ACOT1: variants seen among roughly 807,000 people sequenced by gnomAD.
ACOT1 encodes the protein acyl-CoA thioesterase 1, also known as acyl-coenzyme A thioesterase 1.
In ACOT1, 8 loss-of-function variants were observed where a neutral mutation model predicts 15.7. The ratio of observed to expected loss-of-function variants is 0.51; its 90% CI spans 0.30 to 0.92. The LOEUF (loss-of-function observed/expected upper bound fraction) is 0.92. ACOT1 is among the 40% of genes least tolerant of loss of function. ACOT1 has a pLI of 0.06. For synonymous variants in ACOT1, 67 were observed against 241.2 expected, an observed-to-expected ratio of 0.28 and a Z score of 6.69; for missense variants, 151 against 539.4, an observed-to-expected ratio of 0.28 and a Z score of 7.13.
the ACOT1 span, among the ~76,000 whole-genome samples, chr14:73,508,567 G>A: frequency 6.6e-6 from 1 of 151,918 alleles, no homozygotes; most frequent in Non-Finnish European, 1.5e-5. Context: ...TGGCCAACAT[G>A]GTAAAACCCC....
the ACOT1 span, chr14:73,522,208 C>T: frequency 6.6e-7 from 1 of 1,520,918 alleles, no homozygotes; most frequent in Non-Finnish European, 8.9e-7. Flanking sequence ...GTGAGTCCAC[C>T]TGGGAGTCCC....
chr14:73,518,762 A>T, the ACOT1 span, among the ~76,000 whole-genome samples: 1 of 152,194 alleles, frequency 6.6e-6, no homozygotes, highest in Non-Finnish European at 1.5e-5. Context: ...ATTGGTAACT[A>T]GTGGCCCTAA....
upstream of ACOT1, among the ~76,000 whole-genome samples, chr14:73,536,327 TG>T (rs534670208): frequency 1.8e-3 from 195 of 109,940 alleles, 46 homozygotes; most frequent in African/African-American, 5.5e-3. Flanking sequence ...CACCTCTGGT[TG>T]GAACCAATAG....
chr14:73,518,585 G>A, the ACOT1 span, among the ~76,000 whole-genome samples: 1 of 152,136 alleles, frequency 6.6e-6, no homozygotes, highest in East Asian at 1.9e-4. Context: ...TTGTCTTACA[G>A]AGTGAAGAAT....
the ACOT1 span, chr14:73,496,598 T>C: frequency 1.3e-6 from 2 of 1,582,672 alleles, no homozygotes; most frequent in Non-Finnish European, 1.7e-6. Flanking sequence ...TGCACTTATT[T>C]ACCCTGTTCT....
Position 73,537,776 on chromosome 14 carries a change from C to G in ACOT1, c.355C>G (p.Leu119Val). The change falls in exon 1 of 3, where the codon CTG becomes GTG. Residue 119 changes from leucine (L) to valine (V), a missense_variant. Transcript: ENST00000311148. ...TGGCCACGACCCCGACCCCGGGCGG[C>G]TGCTGTGCCGGGTGCGGCACGAGCG... ...LDGHDPDPGR[L>V]LCRVRHERYF... The G allele has an allele frequency of 8.1e-7, 1 of 1,233,562 alleles. No individual in the cohort carries two copies. The highest frequency in any genetic ancestry group is 1.1e-6 in the Non-Finnish European group (1 of 933,880). The allele number at this position is 1,233,562 out of a possible 1,614,324, so 76.4% of individuals were successfully genotyped here. A position where few individuals can be genotyped will look rare whatever the true frequency, so the allele number is the denominator to read the frequency against.
the ACOT1 span, among the ~76,000 whole-genome samples, chr14:73,509,874 TTA>T: frequency 1.2e-5 from 1 of 83,072 alleles, no homozygotes; most frequent in African/African-American, 3.8e-5. Flanking sequence ...ATATATTTAT[TTA>T]TTTTATATAT....
the ACOT1 span, among the ~76,000 whole-genome samples, chr14:73,519,659 G>A: frequency 6.6e-6 from 1 of 152,152 alleles, no homozygotes; most frequent in Non-Finnish European, 1.5e-5. Flanking sequence ...GGAGGTGGAG[G>A]TTGCAGTGAA....
chr14:73,506,555 A>G, the ACOT1 span: 1 of 1,613,094 alleles, frequency 6.2e-7, no homozygotes, highest in Non-Finnish European at 8.5e-7. Flanking sequence ...CACAGCAAGC[A>G]TGGTGTGTAT....
At chr14:73,508,315 A>C in the ACOT1 span, 12 of 1,611,526 alleles carry the variant, frequency 7.4e-6, no homozygotes, top group African/African-American at 9.3e-5. Context: ...TGGGTGAAAA[A>C]GAGTTCAGAA....
At chr14:73,508,047 A>G in the ACOT1 span, 1 of 1,275,260 alleles carries the variant, frequency 7.8e-7, no homozygotes, top group East Asian at 2.3e-5. Flanking sequence ...CCCCGGCCCC[A>G]GCTGCATTTC....
chr14:73,500,815 A>T, the ACOT1 span: 1 of 1,329,640 alleles, frequency 7.5e-7, no homozygotes, highest in Non-Finnish European at 1.0e-6. Context: ...TCATGATAAA[A>T]TCCGGGTTCT....
At chr14:73,513,727 CCAAAAAAAAAAAA>C in the ACOT1 span, among the ~76,000 whole-genome samples, 2 of 26,578 alleles carry the variant, frequency 7.5e-5, no homozygotes, top group Admixed American at 7.5e-4. Flanking sequence ...AACTACGTCT[CCAAAAAAAAAAAA>C]AAAAAAAAAA....
chr14:73,506,804 G>GTTTTTTTTTTTTTTGTT, the ACOT1 span, among the ~76,000 whole-genome samples: 392 of 80,436 alleles, frequency 4.9e-3, 33 homozygotes, highest in African/African-American at 0.018. Context: ...GACTTTAACT[G>GTTTTTTTTTTTTTTGTT]TTTTTTTTTT....
At chr14:73,491,332 G>T in the ACOT1 span, 72 of 1,468,070 alleles carry the variant, frequency 4.9e-5, 1 homozygote, top group South Asian at 8.6e-4. Flanking sequence ...CCGCAGAGCT[G>T]CTGGAGGCCT....
the ACOT1 span, among the ~76,000 whole-genome samples, chr14:73,530,878 A>G: frequency 0.011 from 956 of 90,702 alleles, 42 homozygotes; most frequent in South Asian, 0.021. Context: ...GACTCAAACG[A>G]TCCTCCCACC....
chr14:73,524,310 A>AAATATATATATATATATATATAT, the ACOT1 span, among the ~76,000 whole-genome samples: 4 of 54,782 alleles, frequency 7.3e-5, no homozygotes, highest in Admixed American at 2.8e-4. Context: ...AAAAAAAAAA[A>AAATATATATATATATATATATAT]ATATATATAT....
the ACOT1 span, chr14:73,490,980 C>T: frequency 7.6e-7 from 1 of 1,321,236 alleles, no homozygotes; most frequent in East Asian, 3.0e-5. Context: ...AGCTTCGCCC[C>T]CGGCCGGCCG....
At chr14:73,494,685 G>A in the ACOT1 span, among the ~76,000 whole-genome samples, 2 of 152,064 alleles carry the variant, frequency 1.3e-5, no homozygotes, top group African/African-American at 4.8e-5. Flanking sequence ...TTAGTAGATA[G>A]GACTACCAGT....
Sources: gnomAD v4.1 joint callset for allele counts (sites outside exome capture counted in the v4.1 genomes callset) on GRCh38, gnomAD v4.1.1 for gene constraint, MANE v1.5 for transcripts, NCBI Gene and HGNC (gene_info 2026-07-23, HGNC 2026-07-21) for gene names.